Variants in SUMO2 observed in about 807,000 individuals in gnomAD.
The protein encoded by SUMO2 is small ubiquitin like modifier 2.
Under a neutral mutation model 16.0 loss-of-function variants are expected in SUMO2, and 1 was observed. The observed-to-expected ratio is 0.06, with a 90% CI of 0.02 to 0.30. The LOEUF (loss-of-function observed/expected upper bound fraction) is 0.30, where lower values mean the gene tolerates loss of function less well. Ranked by LOEUF, SUMO2 falls within the 10% of genes least tolerant of loss-of-function variation. The probability of loss-of-function intolerance (pLI) is 1.00; values close to 1 mark genes in which losing one functional copy is unlikely to be tolerated. For synonymous variants in SUMO2, 36 were observed against 40.6 expected, an observed-to-expected ratio of 0.89 and a Z score of 0.43; for missense variants, 16 against 117.5, an observed-to-expected ratio of 0.14 and a Z score of 3.99.
chr17:75,179,527 C>CAAAA (rs35348154), intron 2 of SUMO2, among the ~76,000 whole-genome samples: 3 of 97,214 alleles, frequency 3.1e-5, no homozygotes, highest in Admixed American at 1.1e-4. Context: ...GACTCTGTCT[C>CAAAA]AAAAAAAAAA....
chr17:75,169,184 A>C (rs1418958754), intron 3 of SUMO2, among the ~76,000 whole-genome samples: 3 of 151,894 alleles, frequency 2.0e-5, no homozygotes, highest in Non-Finnish European at 4.4e-5. Context: ...GTGAACTGAG[A>C]CCACACCAGC....
rs1206810785 is a variant in SUMO2 at position 75,174,826 on chromosome 17, G to A, written c.154-3C>T. The A allele has an allele frequency of 3.7e-6, 6 of 1,611,940 alleles. No individual in the cohort carries two copies. In the East Asian group the frequency reaches 6.7e-5, roughly 18 times the overall value. On this transcript the variant is annotated splice_region_variant and splice_polypyrimidine_tract_variant and intron_variant, in intron 2 of 3. Transcript: ENST00000420826. ...CTGATCTGCCTCATTGACAATCCCT[G>A]AACGAGAATTTAAAAGCAATAAACA...
chr17:75,174,847 A>G, intron 2 of SUMO2, 24 bp from the exon 3 acceptor site: 1 of 1,602,196 alleles, frequency 6.2e-7, no homozygotes, highest in Non-Finnish European at 8.5e-7. Flanking sequence ...TAAAAGCAAT[A>G]AACAGCATTA....
rs573857290 is a variant in SUMO2 at position 75,176,836 on chromosome 17, CAGTA to C, written c.154-2017_154-2014del. On this transcript the variant is annotated intron_variant, in intron 2 of 3. Coordinates refer to ENST00000420826, the MANE Select transcript of SUMO2 (RefSeq NM_006937.4). ...TCCCTTGCACATAGTAGGTGCTGCT[CAGTA>C]AGTATCAGTGGCATAAAAGGGATGA... 3.6e-3 allele frequency among the ~76,000 whole-genome samples: 554 copies of C among 152,144 alleles called. 3 individuals carry two copies. Among genetic ancestry groups the C allele is most frequent in the Middle Eastern group, 0.014 (4 of 294 alleles).
chr17:75,175,373 G>A (rs1309989995), intron 2 of SUMO2, among the ~76,000 whole-genome samples: 1 of 151,044 alleles, frequency 6.6e-6, no homozygotes, highest in Non-Finnish European at 1.5e-5. Flanking sequence ...CAGGCTGGAG[G>A]GCAGTGTCGC....
At position 75,182,925 on chromosome 17, in the gene SUMO2, G is replaced by A. The variant is rs1466140977; in HGVS notation, c.-91C>T. On this transcript the variant is annotated 5_prime_UTR_variant, in exon 1 of 4. Coordinates refer to ENST00000420826, the MANE Select transcript of SUMO2 (RefSeq NM_006937.4). ...CACACAAGCAGCACCAGGAGCGGCA[G>A]AAGAAGGAGGCGGCAGCGGTGGACG... 9 of 1,139,164 alleles carry A rather than the reference G, an allele frequency of 7.9e-6. No homozygotes were observed. In the Admixed American group the frequency reaches 1.2e-4, roughly 16 times the overall value. The allele number at this position is 1,139,164 out of a possible 1,614,324, so 70.6% of individuals were successfully genotyped here. A position where few individuals can be genotyped will look rare whatever the true frequency, so the allele number is the denominator to read the frequency against.
chr17:75,182,774 C>T, intron 1 of SUMO2, 40 bp downstream of exon 1: 1 of 1,320,414 alleles, frequency 7.6e-7, no homozygotes, highest in Non-Finnish European at 9.7e-7. Flanking sequence ...GCCATGACCC[C>T]CACCGCGCGG....
intron 3 of SUMO2, among the ~76,000 whole-genome samples, chr17:75,172,735 A>C (rs1338578776): frequency 6.6e-6 from 1 of 151,988 alleles, no homozygotes; most frequent in East Asian, 1.9e-4. Context: ...TCGGCCTCCC[A>C]AAGTGCTGGG....
chr17:75,174,482 T>A (rs2074766557), intron 3 of SUMO2, among the ~76,000 whole-genome samples: 1 of 152,202 alleles, frequency 6.6e-6, no homozygotes, highest in Non-Finnish European at 1.5e-5. Flanking sequence ...CAGTGAGCTA[T>A]AATGAGGCCA....
chr17:75,175,976 G>T (rs572495990), intron 2 of SUMO2, among the ~76,000 whole-genome samples: 7 of 152,054 alleles, frequency 4.6e-5, no homozygotes, highest in African/African-American at 1.7e-4. Flanking sequence ...TTCAGACACA[G>T]CTACTATAAT....
In SUMO2 at chr17:75,166,120, T is replaced by G. The variant is rs1490892294; in HGVS notation, c.*2219A>C. On this transcript the variant is annotated 3_prime_UTR_variant, in exon 4 of 4. Transcript: ENST00000420826. ...ACTTTGGGAGGCCAAGACAAGGGAC[T>G]GAGGCCAGAAGTTCGAGACCAAACT... The G allele has an allele frequency of 6.6e-6, 1 of 152,166 alleles. No individual in the cohort carries two copies. The highest frequency in any genetic ancestry group is 1.5e-5 in the Non-Finnish European group (1 of 68,072). The allele number at this position is 152,166 out of a possible 1,614,324, so 9.4% of individuals were successfully genotyped here.
intron 2 of SUMO2, among the ~76,000 whole-genome samples, chr17:75,177,084 G>A (rs1045679193): frequency 6.6e-6 from 1 of 151,820 alleles, no homozygotes; most frequent in Non-Finnish European, 1.5e-5. Flanking sequence ...TCCAGCCGGA[G>A]GTTGAGGGGG....
chr17:75,177,448 G>A (rs1401693455), intron 2 of SUMO2, among the ~76,000 whole-genome samples: 1 of 152,104 alleles, frequency 6.6e-6, no homozygotes, highest in East Asian at 1.9e-4. Context: ...GAAGGCCAAG[G>A]CAGGTGGATT....
At chr17:75,181,261 C>T in intron 1 of SUMO2, 73 bp from the exon 2 acceptor site, 1 of 1,494,820 alleles carries the variant, frequency 6.7e-7, no homozygotes, top group African/African-American at 1.4e-5. Flanking sequence ...CAGCAGCAGC[C>T]CTAGTTGCTT....
At chr17:75,178,613 C>A (rs769888540) in intron 2 of SUMO2, among the ~76,000 whole-genome samples, 1 of 152,084 alleles carries the variant, frequency 6.6e-6, no homozygotes, top group Non-Finnish European at 1.5e-5. Flanking sequence ...CTGTCACCCA[C>A]ACTGGAGTGC....
In SUMO2 at chr17:75,182,956, A is replaced by C. The variant is rs1427379450; in HGVS notation, c.-122T>G. The C allele has an allele frequency of 1.2e-6, 1 of 850,550 alleles. No homozygotes were observed. Among genetic ancestry groups the C allele is most frequent in the Non-Finnish European group, 1.6e-6 (1 of 627,148 alleles). 52.7% of individuals were successfully genotyped at this position (850,550 alleles called of 1,614,324 possible). A position where few individuals can be genotyped will look rare whatever the true frequency, so the allele number is the denominator to read the frequency against. ...GGAGGCGGCAGCGGTGGACGAGGGG[A>C]GAGGGTGCGCGCACGTCGTGCGCTC... On this transcript the variant is annotated 5_prime_UTR_variant, in exon 1 of 4. Coordinates refer to ENST00000420826, the MANE Select transcript of SUMO2 (RefSeq NM_006937.4).
rs1002001267 is a variant in SUMO2 at position 75,167,316 on chromosome 17, A to T, written c.*1023T>A. 6.6e-6 allele frequency: 1 copy of T among 152,016 alleles called. No homozygotes were observed. Among genetic ancestry groups the T allele is most frequent in the Non-Finnish European group, 1.5e-5 (1 of 68,022 alleles). The allele number at this position is 152,016 out of a possible 1,614,324, so 9.4% of individuals were successfully genotyped here. Reference sequence around the variant, plus strand: ...CAAAAAAAAAATCCTTGAATAAGGAACGAAAACTTTATTTTAGGTTAGGGA... The same window carrying T: ...CAAAAAAAAAATCCTTGAATAAGGATCGAAAACTTTATTTTAGGTTAGGGA... On this transcript the variant is annotated 3_prime_UTR_variant, in exon 4 of 4. Coordinates refer to ENST00000420826, the MANE Select transcript of SUMO2 (RefSeq NM_006937.4).
intron 3 of SUMO2, among the ~76,000 whole-genome samples, chr17:75,169,732 C>T (rs1475240375): frequency 6.6e-6 from 1 of 151,722 alleles, no homozygotes; most frequent in Non-Finnish European, 1.5e-5. Context: ...GCCCGTAATC[C>T]CAGCTATTCG....
chr17:75,170,078 G>A (rs1296812430), intron 3 of SUMO2, among the ~76,000 whole-genome samples: 14 of 152,024 alleles, frequency 9.2e-5, no homozygotes, highest in Non-Finnish European at 7.4e-5. Flanking sequence ...TTGGGAGGCT[G>A]AGGCAGGAGA....
Sources: gnomAD v4.1 joint callset for allele counts (sites outside exome capture counted in the v4.1 genomes callset) on GRCh38, gnomAD v4.1.1 for gene constraint, MANE v1.5 for transcripts, NCBI Gene and HGNC (gene_info 2026-07-23, HGNC 2026-07-21) for gene names.